GSK3B: variants seen among roughly 807,000 people sequenced by gnomAD.
GSK3B encodes glycogen synthase kinase-3 beta.
Under a neutral mutation model 56.4 loss-of-function variants are expected in GSK3B, and 15 were observed. That is an observed-to-expected ratio of 0.27 (90% CI 0.18 to 0.41). The LOEUF is 0.41. Ranked by LOEUF, GSK3B falls within the 10% of genes least tolerant of loss-of-function variation. The pLI is 1.00. For synonymous variants in GSK3B, 181 were observed against 188.9 expected, an observed-to-expected ratio of 0.96 and a Z score of 0.34; for missense variants, 300 against 513.4, an observed-to-expected ratio of 0.58 and a Z score of 4.02.
chr3:119,852,181 G>A (rs771206198), intron 9 of GSK3B, among the ~76,000 whole-genome samples: 6 of 152,124 alleles, frequency 3.9e-5, no homozygotes, highest in Non-Finnish European at 7.4e-5. Flanking sequence ...GATATTTGCT[G>A]AAAGCCATGA....
At position 119,923,686 on chromosome 3, in the gene GSK3B, T is replaced by TG. The variant is rs2056865189; in HGVS notation, c.367-204dup. On this transcript the variant is annotated intron_variant, in intron 3 of 10. Coordinates refer to ENST00000264235, the MANE Select transcript of GSK3B (RefSeq NM_001146156.2). ...CCACACCTTTTTACTAATAATTCAA[T>TG]GGGGAAAAAATAGTCATTTCAATAT... Among the ~76,000 whole-genome samples the TG allele has an allele frequency of 2.0e-5, 3 of 152,168 alleles. No individual in the cohort carries two copies. The South Asian group carries it at 6.2e-4, about 31-fold the overall frequency.
intron 1 of GSK3B, among the ~76,000 whole-genome samples, chr3:120,027,129 C>A (rs1367699244): frequency 6.6e-6 from 1 of 150,834 alleles, no homozygotes; most frequent in Non-Finnish European, 1.5e-5. Flanking sequence ...GATCCCAGCA[C>A]TTTGGGAGGC....
intron 5 of GSK3B, among the ~76,000 whole-genome samples, chr3:119,915,089 G>A (rs2056767967): frequency 1.3e-5 from 2 of 152,002 alleles, no homozygotes; most frequent in Non-Finnish European, 2.9e-5. Context: ...ATGTTAAAAG[G>A]TTAGATCAGA....
intron 3 of GSK3B, among the ~76,000 whole-genome samples, chr3:119,929,102 C>T (rs2056918162): frequency 6.6e-6 from 1 of 151,864 alleles, no homozygotes; most frequent in Non-Finnish European, 1.5e-5. Context: ...AGATGATATG[C>T]AAAACTAGGG....
At chr3:119,895,263 T>G (rs189357465) in intron 7 of GSK3B, among the ~76,000 whole-genome samples, 254 of 152,292 alleles carry the variant, frequency 1.7e-3, no homozygotes, top group Middle Eastern at 3.4e-3. Context: ...ATTTCCTTCT[T>G]TCTTAAGGCT....
chr3:119,971,871 A>T (rs6790605), intron 2 of GSK3B, among the ~76,000 whole-genome samples: 2,632 of 151,996 alleles, frequency 0.017, 80 homozygotes, highest in African/African-American at 0.061. Flanking sequence ...TCGGCCTCCC[A>T]AAGTGCTGGG....
In GSK3B at chr3:119,974,982, T is replaced by C. The variant is rs571771794; in HGVS notation, c.282+27064A>G. Among the ~76,000 whole-genome samples the C allele has an allele frequency of 5.9e-5, 9 of 152,334 alleles. No individual in the cohort carries two copies. The South Asian group carries it at 1.9e-3, about 32-fold the overall frequency. ...AGCAATTGTACTACCTGGTATTTAC[T>C]CAAATGGACTGAAAATATGACCACA... On this transcript the variant is annotated intron_variant, in intron 2 of 10. Coordinates refer to ENST00000264235, the MANE Select transcript of GSK3B (RefSeq NM_001146156.2).
intron 7 of GSK3B, among the ~76,000 whole-genome samples, chr3:119,880,241 A>G (rs1481982244): frequency 6.6e-6 from 1 of 152,174 alleles, no homozygotes; most frequent in Non-Finnish European, 1.5e-5. Context: ...CACCTCTCAT[A>G]TACCTGTTTG....
At chr3:120,000,333 T>C (rs2057664051) in intron 2 of GSK3B, among the ~76,000 whole-genome samples, 1 of 152,182 alleles carries the variant, frequency 6.6e-6, no homozygotes, top group African/African-American at 2.4e-5. Context: ...CAATTTGAGA[T>C]AACAGTACAA....
intron 6 of GSK3B, 147 bp downstream of exon 6, chr3:119,912,557 A>T: frequency 2.2e-6 from 1 of 453,232 alleles, no homozygotes; most frequent in Non-Finnish European, 4.0e-6. Flanking sequence ...ATGCCTATAC[A>T]TGTTTGCATC....
intron 1 of GSK3B, among the ~76,000 whole-genome samples, chr3:120,059,871 A>AC (rs1477349491): frequency 6.6e-6 from 1 of 152,206 alleles, no homozygotes; most frequent in African/African-American, 2.4e-5. Flanking sequence ...CAGCTATAGA[A>AC]CCCTAACCTT....
At chr3:119,879,266 C>T (rs1021036898) in intron 7 of GSK3B, among the ~76,000 whole-genome samples, 10 of 152,084 alleles carry the variant, frequency 6.6e-5, no homozygotes, top group East Asian at 5.8e-4. Flanking sequence ...CTGCAAGCTC[C>T]GGCTCCTGGG....
chr3:119,979,379 T>C (rs11921053), intron 2 of GSK3B, among the ~76,000 whole-genome samples: 32,570 of 151,962 alleles, frequency 0.21, 3,770 homozygotes, highest in African/African-American at 0.3. Flanking sequence ...ATGAACCCTC[T>C]CTGTATTCTT....
chr3:120,093,425 G>A lies in GSK3B; in HGVS notation c.10C>T (p.Arg4Trp). ...TCCGCAAAGGAGGTGGTTCTGGGCC[G>A]CCCTGACATGATCACTCTCTTCGCG... MSG[R>W]PRTTSFAESC... The change falls in exon 1 of 11, where the codon CGG becomes TGG. Residue 4 changes from arginine to tryptophan, a missense_variant. This residue lies in a region of GSK3B where 53 missense variants were observed against 64.6 expected (regional missense o/e 0.82). Coordinates refer to ENST00000264235, the MANE Select transcript of GSK3B (RefSeq NM_001146156.2). 1 of 1,610,054 alleles carries A rather than the reference G, an allele frequency of 6.2e-7. No individual in the cohort carries two copies. The highest frequency in any genetic ancestry group is 8.5e-7 in the Non-Finnish European group (1 of 1,176,384).
At chr3:119,944,740 T>C (rs2057083829) in intron 3 of GSK3B, among the ~76,000 whole-genome samples, 1 of 152,152 alleles carries the variant, frequency 6.6e-6, no homozygotes, top group Non-Finnish European at 1.5e-5. Flanking sequence ...CTTGCATGTG[T>C]CATAAGCATC....
chr3:120,043,821 T>G (rs774199894), intron 1 of GSK3B, among the ~76,000 whole-genome samples: 2 of 152,230 alleles, frequency 1.3e-5, no homozygotes, highest in Non-Finnish European at 2.9e-5. Context: ...CAACCCTATA[T>G]GCTTCTTTAA....
intron 10 of GSK3B, among the ~76,000 whole-genome samples, chr3:119,831,656 C>CA (rs112424726): frequency 0.061 from 4,791 of 78,018 alleles, 193 homozygotes; most frequent in African/African-American, 0.15. Flanking sequence ...GACTCCGTCT[C>CA]AAAAAAAAAA....
chr3:119,871,051 T>A (rs1473495871), intron 8 of GSK3B, among the ~76,000 whole-genome samples: 1 of 152,168 alleles, frequency 6.6e-6, no homozygotes, highest in Non-Finnish European at 1.5e-5. Flanking sequence ...AACAGGTAGG[T>A]TTACCAAGTT....
chr3:119,898,959 T>C (rs2056599647), intron 7 of GSK3B, among the ~76,000 whole-genome samples: 6 of 152,162 alleles, frequency 3.9e-5, no homozygotes, highest in Admixed American at 3.9e-4. Flanking sequence ...GATGATAAAA[T>C]GCCTATGTGG....
Sources: allele counts gnomAD v4.1 joint callset (sites outside exome capture counted in the v4.1 genomes callset), GRCh38; gene constraint gnomAD v4.1.1; regional missense constraint gnomAD v4.1.1; transcripts MANE v1.5; gene names NCBI Gene and HGNC (gene_info 2026-07-23, HGNC 2026-07-21).